CDH13: variants seen among roughly 807,000 people sequenced by gnomAD.
CDH13 encodes the protein cadherin 13, also known as cadherin-13.
A neutral mutation model predicts 63.8 loss-of-function variants in CDH13; 24 were observed. The observed-to-expected ratio is 0.38, with a 90% CI of 0.27 to 0.53. CDH13 has a LOEUF of 0.53. Among genes scored for constraint, CDH13 ranks in the 20% least tolerant of loss-of-function variants. The probability of loss-of-function intolerance (pLI) is 0.85; values close to 1 mark genes in which losing one functional copy is unlikely to be tolerated. For synonymous variants in CDH13, 503 were observed against 355.3 expected (o/e 1.42, Z -4.67); for missense variants, 1,049 against 903.1 (o/e 1.16, Z -2.07).
chr16:82,733,886 C>G lies in CDH13; in HGVS notation c.45+106749C>G, dbSNP rs1043051239. ...CAGCAAATAAGTACATAGCACCTAT[C>G]ATGAACCAGTGACTTTGCTTAGGAA... On this transcript the variant is annotated intron_variant, in intron 1 of 13. Coordinates refer to ENST00000567109, the MANE Select transcript of CDH13 (RefSeq NM_001257.5). Among the ~76,000 whole-genome samples the G allele has an allele frequency of 2.0e-5, 3 of 152,244 alleles. No homozygotes were observed. In the East Asian group the frequency reaches 5.8e-4, roughly 29 times the overall value.
At chr16:83,342,488 G>C (rs1424166) in intron 5 of CDH13, among the ~76,000 whole-genome samples, 86,859 of 152,010 alleles carry the variant, frequency 0.57, 24,914 homozygotes, top group South Asian at 0.63. Context: ...GTCTTGACTT[G>C]TGTTGATATT....
At chr16:83,608,133 A>G (rs1292544806) in intron 8 of CDH13, among the ~76,000 whole-genome samples, 1 of 152,248 alleles carries the variant, frequency 6.6e-6, no homozygotes, top group African/African-American at 2.4e-5. Flanking sequence ...TTGGTCATTT[A>G]GATTTAATAA....
chr16:83,064,534 C>G (rs1012523820), intron 3 of CDH13, among the ~76,000 whole-genome samples: 2 of 152,118 alleles, frequency 1.3e-5, no homozygotes, highest in Non-Finnish European at 2.9e-5. Flanking sequence ...GCAATATCTT[C>G]TTTAACCTGA....
At chr16:83,754,900 C>G (rs439751) in intron 11 of CDH13, among the ~76,000 whole-genome samples, 56,567 of 151,846 alleles carry the variant, frequency 0.37, 10,708 homozygotes, top group Non-Finnish European at 0.4. Flanking sequence ...ACTCATAGCA[C>G]CATATGTCAT....
intron 10 of CDH13, among the ~76,000 whole-genome samples, chr16:83,727,356 T>C (rs993901877): frequency 1.3e-5 from 2 of 152,014 alleles, no homozygotes; most frequent in African/African-American, 4.8e-5. Flanking sequence ...AACAGACACA[T>C]TCATCATTTT....
intron 4 of CDH13, among the ~76,000 whole-genome samples, chr16:83,191,865 C>A (rs1386250002): frequency 6.6e-6 from 1 of 152,036 alleles, no homozygotes; most frequent in African/African-American, 2.4e-5. Flanking sequence ...AGCCCACTGA[C>A]ACAAATGTTC....
At chr16:83,000,832 G>A (rs913929418) in intron 2 of CDH13, among the ~76,000 whole-genome samples, 13 of 152,076 alleles carry the variant, frequency 8.5e-5, no homozygotes, top group Admixed American at 8.5e-4. Context: ...GCCCGCCTCG[G>A]CCTCCCAAGG....
chr16:83,792,130 C>T (rs903450652), intron 13 of CDH13, among the ~76,000 whole-genome samples: 7 of 152,212 alleles, frequency 4.6e-5, no homozygotes, highest in African/African-American at 1.7e-4. Flanking sequence ...TGGACAGACA[C>T]GGCCTGCAAA....
intron 7 of CDH13, among the ~76,000 whole-genome samples, chr16:83,498,286 A>G (rs1248667465): frequency 6.6e-6 from 1 of 152,174 alleles, no homozygotes; most frequent in Non-Finnish European, 1.5e-5. Context: ...ATGGAGTGAA[A>G]TAAGGAGAAT....
At chr16:83,732,604 A>G (rs1011955009) in intron 10 of CDH13, among the ~76,000 whole-genome samples, 2 of 152,218 alleles carry the variant, frequency 1.3e-5, no homozygotes, top group African/African-American at 4.8e-5. Flanking sequence ...ACATCCAGAA[A>G]GATGATAGCA....
chr16:83,660,301 A>G (rs1221418881), intron 8 of CDH13, among the ~76,000 whole-genome samples: 1 of 152,200 alleles, frequency 6.6e-6, no homozygotes, highest in Non-Finnish European at 1.5e-5. Flanking sequence ...TCCTGCAACT[A>G]GACGGTTCCA....
chr16:83,734,947 A>G (rs951776121), intron 10 of CDH13, among the ~76,000 whole-genome samples: 6 of 150,626 alleles, frequency 4.0e-5, no homozygotes. Flanking sequence ...AGATAAGACA[A>G]TTGTAACTTT....
At chr16:83,111,088 C>T (rs1286589538) in intron 3 of CDH13, among the ~76,000 whole-genome samples, 1 of 149,346 alleles carries the variant, frequency 6.7e-6, no homozygotes, top group Non-Finnish European at 1.5e-5. Flanking sequence ...AGGAGAATGG[C>T]GTGAACCCGG....
At chr16:83,703,593 G>A (rs975733550) in intron 10 of CDH13, among the ~76,000 whole-genome samples, 1 of 152,188 alleles carries the variant, frequency 6.6e-6, no homozygotes, top group African/African-American at 2.4e-5. Flanking sequence ...TCTAAGGATA[G>A]GAGCGGGCTT....
rs754360285 is a variant in CDH13, at chr16:83,486,577, A to G, written c.882A>G (p.Pro294=). 1.3e-5 allele frequency: 21 copies of G among 1,613,932 alleles called. No individual in the cohort carries two copies. Among genetic ancestry groups the G allele is most frequent in the Middle Eastern group, 1.6e-4 (1 of 6,062 alleles). ...YNIRQQTPDK[P]SPNMFYIDPE... The stretch of plus-strand genomic sequence containing the variant: ...TCCGTCAGCAGACGCCTGACAAGCC[A>G]TCTCCCAACATGTTCTACATCGATC... The change falls in exon 7 of 14, where the codon CCA becomes CCG. Residue 294 remains proline, a synonymous_variant. Transcript: ENST00000567109.
At chr16:82,892,049 C>G (rs546852983) in intron 2 of CDH13, among the ~76,000 whole-genome samples, 6 of 152,256 alleles carry the variant, frequency 3.9e-5, no homozygotes, top group African/African-American at 1.4e-4. Context: ...CAGCTCGTCC[C>G]TTTATGAAGG....
At chr16:83,444,024 G>T (rs1043909876) in intron 6 of CDH13, among the ~76,000 whole-genome samples, 1 of 150,664 alleles carries the variant, frequency 6.6e-6, no homozygotes, top group Non-Finnish European at 1.5e-5. Context: ...GAAGGTGATG[G>T]CGATGATCAT....
chr16:83,119,874 A>C (rs1193447565), intron 3 of CDH13, among the ~76,000 whole-genome samples: 2 of 152,224 alleles, frequency 1.3e-5, no homozygotes, highest in Non-Finnish European at 2.9e-5. Context: ...AGAAGTAGAC[A>C]CTTGGCCACA....
intron 5 of CDH13, among the ~76,000 whole-genome samples, chr16:83,231,507 C>G (rs12917991): frequency 6.6e-6 from 1 of 152,114 alleles, no homozygotes; most frequent in South Asian, 2.1e-4. Context: ...TTGATGTGTT[C>G]CAGCAGGAGC....
Sources: gnomAD v4.1 joint callset for allele counts (sites outside exome capture counted in the v4.1 genomes callset) on GRCh38, gnomAD v4.1.1 for gene constraint, MANE v1.5 for transcripts, NCBI Gene and HGNC (gene_info 2026-07-23, HGNC 2026-07-21) for gene names.